The following CACNA1C variants were observed in gnomAD, a reference collection of about 807,000 sequenced individuals.
CACNA1C encodes calcium voltage-gated channel subunit alpha1 C.
Under a neutral mutation model 229.0 loss-of-function variants are expected in CACNA1C, and 30 were observed. The observed-to-expected ratio is 0.13, with a 90% CI of 0.10 to 0.18. The LOEUF is 0.18. CACNA1C is among the 10% of genes least tolerant of loss of function. The probability of loss-of-function intolerance (pLI) is 1.00; values close to 1 mark genes in which losing one functional copy is unlikely to be tolerated. For missense variants in CACNA1C, 1,658 were observed against 2,845.0 expected, an observed-to-expected ratio of 0.58 and a Z score of 9.49; for synonymous variants, 1,114 against 1,132.5, an observed-to-expected ratio of 0.98 and a Z score of 0.33.
intron 3 of CACNA1C, among the ~76,000 whole-genome samples, chr12:2,295,089 C>T (rs563267466): frequency 5.9e-5 from 9 of 152,286 alleles, no homozygotes; most frequent in East Asian, 3.9e-4. Flanking sequence ...TGCCTACAGC[C>T]GCCCACTCAC....
At chr12:2,071,383 A>G (rs2061298977) in intron 1 of CACNA1C, among the ~76,000 whole-genome samples, 1 of 151,090 alleles carries the variant, frequency 6.6e-6, no homozygotes, top group Non-Finnish European at 1.5e-5. Flanking sequence ...ATGCCCAACT[A>G]ATTGTTTCAT....
intron 1 of CACNA1C, among the ~76,000 whole-genome samples, chr12:2,066,151 C>A (rs1344845928): frequency 6.6e-6 from 1 of 152,042 alleles, no homozygotes; most frequent in Non-Finnish European, 1.5e-5. Flanking sequence ...GTGATTTTCC[C>A]AGCAGAAAGC....
intron 3 of CACNA1C, among the ~76,000 whole-genome samples, chr12:2,309,477 C>CCACA (rs1010284968): frequency 6.6e-6 from 1 of 150,630 alleles, no homozygotes; most frequent in African/African-American, 2.5e-5. Flanking sequence ...GCCTATGACA[C>CCACA]CACACACACA....
Position 2,666,847 on chromosome 12 carries a change from G to A in CACNA1C, c.4623+65G>A. 1 of 956,920 alleles carries A rather than the reference G, an allele frequency of 1.0e-6. No homozygotes were observed. Among genetic ancestry groups the A allele is most frequent in the South Asian group, 1.4e-5 (1 of 72,364 alleles). 59.3% of individuals were successfully genotyped at this position (956,920 alleles called of 1,614,324 possible). A position where few individuals can be genotyped will look rare whatever the true frequency, so the allele number is the denominator to read the frequency against. ...AGGGGAAGTGAAGTGCCCATTTCTT[G>A]TGATCCTTTAAGGGAATGAACATAC... On this transcript the variant is annotated intron_variant, in intron 37 of 46. Transcript: ENST00000399655. This position sits in a 1 kb window ranked among gnomAD's most constrained non-coding sequence, Gnocchi z 5.3.
At chr12:2,347,582 T>C (rs575939653) in intron 3 of CACNA1C, among the ~76,000 whole-genome samples, 1 of 152,142 alleles carries the variant, frequency 6.6e-6, no homozygotes, top group South Asian at 2.1e-4. Context: ...ACCCAGTCAG[T>C]AGGAACACCG....
In CACNA1C at chr12:2,599,742, C is replaced by T. The variant is rs146480713; in HGVS notation, c.2854-2112C>T. On this transcript the variant is annotated intron_variant, in intron 21 of 46. Coordinates refer to ENST00000399655, the MANE Select transcript of CACNA1C (RefSeq NM_000719.7). ...TCAGAAAAAAAGGGTCAAAGAGGAA[C>T]AATTAGCACTGGGTACCTGAGTCTG... 2.1e-3 allele frequency among the ~76,000 whole-genome samples: 322 copies of T among 152,220 alleles called. 2 individuals are homozygous for T. The highest frequency in any genetic ancestry group is 7.5e-3 in the African/African-American group (312 of 41,548).
intron 3 of CACNA1C, among the ~76,000 whole-genome samples, chr12:2,267,682 T>C (rs1157476957): frequency 6.6e-6 from 1 of 152,112 alleles, no homozygotes; most frequent in African/African-American, 2.4e-5. Context: ...ATTTCCAGAG[T>C]TCCTTCATCC....
chr12:2,241,201 C>T (rs1303771573), intron 3 of CACNA1C, among the ~76,000 whole-genome samples: 2 of 152,058 alleles, frequency 1.3e-5, no homozygotes, highest in African/African-American at 4.8e-5. Flanking sequence ...GACTGCAGCC[C>T]CGCTATGTCC....
chr12:2,587,388 C>T (rs147386332), intron 18 of CACNA1C, among the ~76,000 whole-genome samples: 689 of 152,318 alleles, frequency 4.5e-3, no homozygotes, highest in South Asian at 9.5e-3. Context: ...GAAGAGCCCT[C>T]CCATGGGGCC....
chr12:2,578,763 T>C (rs577454123), intron 13 of CACNA1C, among the ~76,000 whole-genome samples: 1 of 152,242 alleles, frequency 6.6e-6, no homozygotes, highest in East Asian at 1.9e-4. Context: ...AACCCGGTGT[T>C]GTGCAGCTTG....
intron 18 of CACNA1C, among the ~76,000 whole-genome samples, chr12:2,591,883 TG>T (rs1328663660): frequency 1.3e-5 from 2 of 152,234 alleles, no homozygotes; most frequent in African/African-American, 4.8e-5. Flanking sequence ...GTCCTTGGCT[TG>T]TAGATGCATC....
intron 1 of CACNA1C, among the ~76,000 whole-genome samples, chr12:2,076,625 A>G (rs923368604): frequency 6.6e-6 from 1 of 152,152 alleles, no homozygotes; most frequent in African/African-American, 2.4e-5. Flanking sequence ...GGCAACAGAG[A>G]TGGTATCTCT....
chr12:2,409,343 G>A (rs2098778971), intron 3 of CACNA1C, among the ~76,000 whole-genome samples: 2 of 152,138 alleles, frequency 1.3e-5, no homozygotes, highest in South Asian at 2.1e-4. Context: ...GACAGGTGTA[G>A]AACTAGATCA....
intron 3 of CACNA1C, among the ~76,000 whole-genome samples, chr12:2,238,692 G>A (rs2068513942): frequency 6.6e-6 from 1 of 152,224 alleles, no homozygotes; most frequent in Admixed American, 6.5e-5. Flanking sequence ...TTTGTCCAAG[G>A]AGAGTGTCCT....
At chr12:2,367,862 G>A (rs2097763339) in intron 3 of CACNA1C, among the ~76,000 whole-genome samples, 2 of 151,870 alleles carry the variant, frequency 1.3e-5, no homozygotes, top group African/African-American at 4.8e-5. Flanking sequence ...TCAAAATACA[G>A]AAGAACATTA....
At chr12:2,609,276 G>A (rs1391074679) in intron 27 of CACNA1C, among the ~76,000 whole-genome samples, 1 of 152,118 alleles carries the variant, frequency 6.6e-6, no homozygotes, top group East Asian at 1.9e-4. Flanking sequence ...GGAAGCTGTC[G>A]TGGTGGGAGG....
chr12:1,981,553 G>A (rs1238469187), intron 1 of CACNA1C, among the ~76,000 whole-genome samples: 4 of 152,136 alleles, frequency 2.6e-5, no homozygotes, highest in Admixed American at 2.6e-4. Flanking sequence ...CTCAGATTTA[G>A]CATGTTATTT....
intron 3 of CACNA1C, among the ~76,000 whole-genome samples, chr12:2,183,533 A>G (rs1248261060): frequency 6.6e-6 from 1 of 152,226 alleles, no homozygotes; most frequent in African/African-American, 2.4e-5. Context: ...CGTGCTAACA[A>G]TATATACCAA....
intron 3 of CACNA1C, among the ~76,000 whole-genome samples, chr12:2,188,185 G>A (rs145476088): frequency 6.6e-6 from 1 of 152,256 alleles, no homozygotes; most frequent in Non-Finnish European, 1.5e-5. Context: ...TCAGATAGTT[G>A]GCAACTCTGC....
Sources: gnomAD v4.1 joint callset for allele counts (sites outside exome capture counted in the v4.1 genomes callset) on GRCh38, gnomAD v4.1.1 for gene constraint, Gnocchi (gnomAD v3.1) non-coding constraint, MANE v1.5 for transcripts, NCBI Gene and HGNC (gene_info 2026-07-23, HGNC 2026-07-21) for gene names.